The following MCHR2 variants were observed in gnomAD, a reference collection of about 807,000 sequenced individuals.
The protein encoded by MCHR2 is melanin concentrating hormone receptor 2.
In MCHR2, 15 loss-of-function variants were observed where a neutral mutation model predicts 24.8. The observed-to-expected ratio is 0.60, with a 90% CI of 0.40 to 0.93. The LOEUF (loss-of-function observed/expected upper bound fraction) is 0.93. Ranked by LOEUF, MCHR2 falls within the 40% of genes least tolerant of loss-of-function variation. MCHR2 has a pLI of 0.00. For missense variants in MCHR2, 386 were observed against 408.7 expected (o/e 0.94, Z 0.48); for synonymous variants, 151 against 147.6 (o/e 1.02, Z -0.17).
chr6:99,934,123 C>T (rs1010926325), intron 5 of MCHR2, among the ~76,000 whole-genome samples: 2 of 152,016 alleles, frequency 1.3e-5, no homozygotes, highest in African/African-American at 4.8e-5. Flanking sequence ...AACTTAATAA[C>T]AAATATAAAA....
At chr6:99,990,231 A>G (rs1250353205) in intron 1 of MCHR2, among the ~76,000 whole-genome samples, 2 of 152,214 alleles carry the variant, frequency 1.3e-5, no homozygotes, top group Non-Finnish European at 2.9e-5. Flanking sequence ...ATGAGCTACT[A>G]AATGTGTCAG....
intron 1 of MCHR2, among the ~76,000 whole-genome samples, chr6:99,965,219 C>G (rs1268218983): frequency 1.3e-5 from 2 of 152,170 alleles, no homozygotes; most frequent in African/African-American, 4.8e-5. Flanking sequence ...AATAATCTAA[C>G]TCTCTGTTCT....
At chr6:99,933,491 G>A (rs2094973558) in intron 5 of MCHR2, among the ~76,000 whole-genome samples, 1 of 151,824 alleles carries the variant, frequency 6.6e-6, no homozygotes, top group African/African-American at 2.4e-5. Context: ...TTCCCAAATG[G>A]ACCACACTTT....
chr6:99,978,722 A>G (rs550716955), intron 1 of MCHR2, among the ~76,000 whole-genome samples: 1 of 152,104 alleles, frequency 6.6e-6, no homozygotes, highest in South Asian at 2.1e-4. Flanking sequence ...CTGGCCCAAG[A>G]CAGTTCTTTA....
Position 99,919,731 on chromosome 6 carries a change from TTTG to T in MCHR2, c.*1206_*1208del, listed in dbSNP as rs1386304197. On this transcript the variant is annotated 3_prime_UTR_variant, in exon 6 of 6. Coordinates refer to ENST00000281806, the MANE Select transcript of MCHR2 (RefSeq NM_001040179.2). Reference sequence around the variant, plus strand: ...GTTTCTTGTTTTTTTTTTTGTTTGTTTTGTTTTTTTTTTTGAGATGACGTCTCA... The same window carrying T: ...GTTTCTTGTTTTTTTTTTTGTTTGTTTTTTTTTTTTTGAGATGACGTCTCA... 7.9e-6 allele frequency among the ~76,000 whole-genome samples: 1 copy of T among 127,068 alleles called. No individual in the cohort carries two copies. Among genetic ancestry groups the T allele is most frequent in the African/African-American group, 2.6e-5 (1 of 38,078 alleles). 83.4% of individuals were successfully genotyped at this position (127,068 alleles called of 152,430 possible).
intron 2 of MCHR2, among the ~76,000 whole-genome samples, chr6:99,948,235 G>A (rs1582385909): frequency 6.6e-6 from 1 of 152,104 alleles, no homozygotes; most frequent in East Asian, 1.9e-4. Context: ...TTCCCTCTGA[G>A]TGCTGACCTT....
In MCHR2 at chr6:99,941,116, C is replaced by T. The variant is rs534337957; in HGVS notation, c.587+1833G>A. Among the ~76,000 whole-genome samples the T allele has an allele frequency of 1.1e-4, 17 of 151,286 alleles. No individual in the cohort carries two copies. The East Asian group carries it at 3.1e-3, about 28-fold the overall frequency. On this transcript the variant is annotated intron_variant, in intron 4 of 5. Transcript: ENST00000281806. ...GAAAGCTGGTTGTCTACCTTGATCT[C>T]GTTTTTTTCAGTGTAGAAACTGTGA...
chr6:99,947,260 T>A (rs1215367772), intron 3 of MCHR2, among the ~76,000 whole-genome samples: 6 of 152,208 alleles, frequency 3.9e-5, no homozygotes, highest in Non-Finnish European at 8.8e-5. Flanking sequence ...TATAATAACA[T>A]CTATTTACTC....
At chr6:99,930,245 G>A (rs1355780131) in intron 5 of MCHR2, among the ~76,000 whole-genome samples, 1 of 151,960 alleles carries the variant, frequency 6.6e-6, no homozygotes, top group Non-Finnish European at 1.5e-5. Context: ...TGGGTAACCC[G>A]ACCTTTCTCT....
At chr6:99,950,751 T>C (rs948453135) in intron 2 of MCHR2, among the ~76,000 whole-genome samples, 1 of 152,190 alleles carries the variant, frequency 6.6e-6, no homozygotes, top group African/African-American at 2.4e-5. Flanking sequence ...GTAGTATGAC[T>C]GATTTTTTAC....
At chr6:99,974,204 A>G (rs1775498548) in intron 1 of MCHR2, among the ~76,000 whole-genome samples, 1 of 152,152 alleles carries the variant, frequency 6.6e-6, no homozygotes, top group South Asian at 2.1e-4. Context: ...CACCAATCAG[A>G]TGTAGATTTG....
intron 5 of MCHR2, among the ~76,000 whole-genome samples, chr6:99,931,160 G>T (rs995082642): frequency 6.6e-6 from 1 of 152,184 alleles, no homozygotes; most frequent in Non-Finnish European, 1.5e-5. Flanking sequence ...GGATTTTCGT[G>T]AACCGCGAAT....
chr6:99,936,868 T>C (rs1235053815), intron 4 of MCHR2, among the ~76,000 whole-genome samples: 1 of 151,674 alleles, frequency 6.6e-6, no homozygotes, highest in Non-Finnish European at 1.5e-5. Flanking sequence ...CAGGTATTTA[T>C]GTACGTGTGT....
intron 1 of MCHR2, among the ~76,000 whole-genome samples, chr6:99,967,062 C>T (rs1775308278): frequency 6.6e-6 from 1 of 151,730 alleles, no homozygotes; most frequent in South Asian, 2.1e-4. Flanking sequence ...ACTTTTTTCT[C>T]ATTCCTTAAA....
intron 5 of MCHR2, among the ~76,000 whole-genome samples, chr6:99,929,224 C>A (rs1774445785): frequency 6.6e-6 from 1 of 152,086 alleles, no homozygotes; most frequent in Non-Finnish European, 1.5e-5. Context: ...AATGTCTGAT[C>A]TTTTACATTT....
intron 1 of MCHR2, among the ~76,000 whole-genome samples, chr6:99,967,819 A>G (rs932786986): frequency 6.6e-5 from 10 of 152,256 alleles, no homozygotes; most frequent in Admixed American, 2.0e-4. Flanking sequence ...TTTTTCACCT[A>G]ATCCACCCAT....
chr6:99,927,138 A>C (rs1305790546), intron 5 of MCHR2, among the ~76,000 whole-genome samples: 8 of 152,062 alleles, frequency 5.3e-5, no homozygotes, highest in Non-Finnish European at 7.4e-5. Flanking sequence ...CAAAGATCAG[A>C]TAGTTGTAGA....
intron 1 of MCHR2, among the ~76,000 whole-genome samples, chr6:99,961,614 C>G (rs1216132541): frequency 1.3e-5 from 2 of 152,046 alleles, no homozygotes; most frequent in East Asian, 1.9e-4. Flanking sequence ...GGATAGAAAA[C>G]CAAACACTGC....
intron 1 of MCHR2, among the ~76,000 whole-genome samples, chr6:99,980,122 T>A (rs1476819767): frequency 1.3e-5 from 2 of 151,908 alleles, no homozygotes; most frequent in African/African-American, 4.8e-5. Context: ...TTATAGTTTA[T>A]AAAGTAATGA....
Sources: allele counts gnomAD v4.1 joint callset (sites outside exome capture counted in the v4.1 genomes callset), GRCh38; gene constraint gnomAD v4.1.1; transcripts MANE v1.5; gene names NCBI Gene and HGNC (gene_info 2026-07-23, HGNC 2026-07-21).